SLC4A4: variants seen among roughly 807,000 people sequenced by gnomAD.
SLC4A4 encodes solute carrier family 4 member 4, also known as electrogenic sodium bicarbonate cotransporter 1.
SLC4A4 carries 27 observed loss-of-function variants against 111.5 expected under a neutral mutation model. The observed-to-expected ratio is 0.24, with a 90% CI of 0.18 to 0.33. The LOEUF (loss-of-function observed/expected upper bound fraction) is 0.33. Ranked by LOEUF, SLC4A4 falls within the 10% of genes least tolerant of loss-of-function variation. SLC4A4 has a pLI of 1.00. For synonymous variants in SLC4A4, 443 were observed against 463.4 expected (o/e 0.96, Z 0.57); for missense variants, 909 against 1,315.5 (o/e 0.69, Z 4.78).
At chr4:71,063,154 T>C (rs1044094392) in intron 1 of SLC4A4, among the ~76,000 whole-genome samples, 9 of 152,174 alleles carry the variant, frequency 5.9e-5, no homozygotes, top group South Asian at 4.1e-4. Flanking sequence ...AGAAAGTTAA[T>C]AGAGAAATGG....
intron 8 of SLC4A4, among the ~76,000 whole-genome samples, chr4:71,443,668 C>A (rs1396368195): frequency 6.6e-6 from 1 of 151,708 alleles, no homozygotes; most frequent in Non-Finnish European, 1.5e-5. Flanking sequence ...AGAATAAAAC[C>A]CTAGTTTGTG....
intron 3 of SLC4A4, among the ~76,000 whole-genome samples, chr4:71,258,698 A>G (rs929081313): frequency 7.9e-5 from 12 of 152,206 alleles, no homozygotes; most frequent in Admixed American, 7.9e-4. Flanking sequence ...TAAGCCTGGA[A>G]CATCGTATTT....
intron 2 of SLC4A4, among the ~76,000 whole-genome samples, chr4:71,171,030 T>G (rs903876301): frequency 2.0e-5 from 3 of 152,052 alleles, no homozygotes; most frequent in Non-Finnish European, 4.4e-5. Context: ...GTGTATGGGG[T>G]CAGTAGCAAA....
intron 7 of SLC4A4, among the ~76,000 whole-genome samples, chr4:71,431,922 TAC>T (rs1199475101): frequency 1.3e-5 from 2 of 152,170 alleles, no homozygotes; most frequent in Non-Finnish European, 2.9e-5. Context: ...ATTTTAGTGC[TAC>T]AGAGTCCATT....
chr4:71,362,563 A>G (rs1031458789), intron 6 of SLC4A4, among the ~76,000 whole-genome samples: 1 of 152,202 alleles, frequency 6.6e-6, no homozygotes, highest in African/African-American at 2.4e-5. Flanking sequence ...GTAGCTTACT[A>G]TTTGGAAAGA....
intron 1 of SLC4A4, among the ~76,000 whole-genome samples, chr4:71,190,271 C>T (rs1745666873): frequency 6.6e-6 from 1 of 152,080 alleles, no homozygotes; most frequent in African/African-American, 2.4e-5. Context: ...GGAAAATATG[C>T]TGCTGTTCTT....
At chr4:71,146,008 C>G (rs1388487178) in intron 2 of SLC4A4, among the ~76,000 whole-genome samples, 1 of 152,202 alleles carries the variant, frequency 6.6e-6, no homozygotes, top group East Asian at 1.9e-4. Flanking sequence ...TGTGTTTGCT[C>G]TTGCTTCTCT....
At chr4:71,395,155 T>C (rs1719697185) in intron 6 of SLC4A4, among the ~76,000 whole-genome samples, 3 of 152,174 alleles carry the variant, frequency 2.0e-5, no homozygotes. Flanking sequence ...TGGATATTGC[T>C]GGTCTGGAGA....
At chr4:71,367,944 C>T (rs1211809231) in intron 6 of SLC4A4, among the ~76,000 whole-genome samples, 1 of 152,174 alleles carries the variant, frequency 6.6e-6, no homozygotes, top group East Asian at 1.9e-4. Flanking sequence ...CCATTTGTCT[C>T]CCCTGTTGTT....
At chr4:71,113,921 C>G (rs1204970149) in intron 2 of SLC4A4, among the ~76,000 whole-genome samples, 1 of 152,078 alleles carries the variant, frequency 6.6e-6, no homozygotes, top group East Asian at 1.9e-4. Context: ...GTAGTTATAC[C>G]TTATTAGCAG....
intron 3 of SLC4A4, among the ~76,000 whole-genome samples, chr4:71,333,418 G>T (rs1275935442): frequency 6.6e-6 from 1 of 152,202 alleles, no homozygotes; most frequent in African/African-American, 2.4e-5. Flanking sequence ...GCTACCTGGA[G>T]TTGGGGGAGG....
chr4:71,141,181 C>A (rs576240521), intron 2 of SLC4A4, among the ~76,000 whole-genome samples: 8 of 152,322 alleles, frequency 5.3e-5, no homozygotes, highest in African/African-American at 1.4e-4. Flanking sequence ...CATTCCCCAG[C>A]CTCTGTAACC....
chr4:71,559,311 G>T (rs1361920357), intron 22 of SLC4A4, among the ~76,000 whole-genome samples: 1 of 151,688 alleles, frequency 6.6e-6, no homozygotes, highest in East Asian at 2.0e-4. Flanking sequence ...GCAATTCATA[G>T]AACCAAAAAT....
intron 1 of SLC4A4, among the ~76,000 whole-genome samples, chr4:71,227,786 T>G (rs2149028987): frequency 6.6e-6 from 1 of 152,242 alleles, no homozygotes; most frequent in East Asian, 1.9e-4. Flanking sequence ...CTTAGGACCT[T>G]TCTGATTTTC....
chr4:71,340,927 A>T (rs930988309), intron 4 of SLC4A4, among the ~76,000 whole-genome samples: 1 of 152,188 alleles, frequency 6.6e-6, no homozygotes, highest in Non-Finnish European at 1.5e-5. Flanking sequence ...CATTAATCTC[A>T]TAACAGAGCT....
chr4:71,487,097 T>C, intron 15 of SLC4A4, 79 bp downstream of exon 15: 1 of 851,980 alleles, frequency 1.2e-6, no homozygotes, highest in Non-Finnish European at 2.0e-6. Context: ...TAATATATGA[T>C]GTCTTCTACC....
intron 3 of SLC4A4, among the ~76,000 whole-genome samples, chr4:71,275,799 T>C (rs1723025919): frequency 6.6e-6 from 1 of 152,242 alleles, no homozygotes; most frequent in African/African-American, 2.4e-5. Context: ...AGTTCTTACA[T>C]AATAACTCAA....
rs1408988532 is a variant in SLC4A4, at chr4:71,089,382, C to T, written c.-64-3348C>T. 3.3e-5 allele frequency among the ~76,000 whole-genome samples: 5 copies of T among 151,960 alleles called. No homozygotes were observed. In the East Asian group the frequency reaches 9.7e-4, roughly 29 times the overall value. On this transcript the variant is annotated intron_variant, in intron 1 of 26. Transcript: ENST00000649996. ...TTGGTGTAGTTTGATTGTCTGAAGCCTTCTTCTCTCAACTCGTCAAAGTCA... is the reference window on the plus strand; with the variant it reads ...TTGGTGTAGTTTGATTGTCTGAAGCTTTCTTCTCTCAACTCGTCAAAGTCA...
chr4:71,241,005 G>C (rs1720171341), intron 2 of SLC4A4, among the ~76,000 whole-genome samples: 1 of 152,000 alleles, frequency 6.6e-6, no homozygotes, highest in Non-Finnish European at 1.5e-5. Flanking sequence ...TGTAGTCCCA[G>C]CTACTCAGGA....
Sources: allele counts gnomAD v4.1 joint callset (sites outside exome capture counted in the v4.1 genomes callset), GRCh38; gene constraint gnomAD v4.1.1; transcripts MANE v1.5; gene names NCBI Gene and HGNC (gene_info 2026-07-23, HGNC 2026-07-21).